RAB30: variants seen among roughly 807,000 people sequenced by gnomAD.
RAB30 encodes the protein RAB30, member RAS oncogene family.
Under a neutral mutation model 25.1 loss-of-function variants are expected in RAB30, and 9 were observed. The ratio of observed to expected loss-of-function variants is 0.36; its 90% CI spans 0.22 to 0.63. The LOEUF is 0.63. RAB30 is among the 20% of genes least tolerant of loss of function. RAB30 has a pLI of 0.69. For synonymous variants in RAB30, 77 were observed against 86.4 expected (o/e 0.89, Z 0.60); for missense variants, 140 against 243.5 (o/e 0.58, Z 2.83).
chr11:83,031,599 C>T (rs968234329), intron 1 of RAB30, among the ~76,000 whole-genome samples: 1 of 150,938 alleles, frequency 6.6e-6, no homozygotes, highest in African/African-American at 2.4e-5. Flanking sequence ...GCAATCTCGG[C>T]ACACCGCAAC....
rs1856567007 is a variant in RAB30, at chr11:82,977,608, G to A, written c.*4557C>T. The stretch of plus-strand genomic sequence containing the variant: ...GTGTCCCTACGGCCTCATTCAGTAG[G>A]CCTCATTCCACCCCTCTGAACCACA... On this transcript the variant is annotated 3_prime_UTR_variant, in exon 5 of 5. Transcript: ENST00000527633. The A allele has an allele frequency of 6.6e-6, 1 of 152,110 alleles. No homozygotes were observed. Among genetic ancestry groups the A allele is most frequent in the African/African-American group, 2.4e-5 (1 of 41,404 alleles). The allele number at this position is 152,110 out of a possible 1,614,324, so 9.4% of individuals were successfully genotyped here. A position where few individuals can be genotyped will look rare whatever the true frequency, so the allele number is the denominator to read the frequency against.
At chr11:83,009,842 A>C (rs1400809676) in intron 1 of RAB30, among the ~76,000 whole-genome samples, 1 of 152,226 alleles carries the variant, frequency 6.6e-6, no homozygotes, top group East Asian at 1.9e-4. Flanking sequence ...CACAAGGTCC[A>C]CACACTTCAA....
At chr11:83,070,681 T>A (rs768989761) in intron 1 of RAB30, among the ~76,000 whole-genome samples, 12 of 152,084 alleles carry the variant, frequency 7.9e-5, no homozygotes, top group Non-Finnish European at 1.3e-4. Flanking sequence ...AAGAGCATCA[T>A]GTAAGTCAGA....
At chr11:83,037,988 A>G (rs930642888) in intron 1 of RAB30, among the ~76,000 whole-genome samples, 1 of 152,162 alleles carries the variant, frequency 6.6e-6, no homozygotes, top group African/African-American at 2.4e-5. Context: ...GGTCAGAGTG[A>G]AATAAGCTGC....
At chr11:83,053,717 G>A (rs1007678496) in intron 1 of RAB30, among the ~76,000 whole-genome samples, 15 of 151,906 alleles carry the variant, frequency 9.9e-5, no homozygotes, top group Admixed American at 5.9e-4. Context: ...TTGACAAATT[G>A]CTGGGAACTT....
In RAB30 at chr11:83,014,651, A is replaced by T. The variant is rs1359778580; in HGVS notation, c.-8-17327T>A. 2.0e-3 allele frequency among the ~76,000 whole-genome samples: 265 copies of T among 133,860 alleles called. 1 individual carries two copies. The highest frequency in any genetic ancestry group is 7.2e-3 in the Middle Eastern group (2 of 276). 87.8% of individuals were successfully genotyped at this position (133,860 alleles called of 152,430 possible). ...AAGTAAGAAAAAGAAAGAAAGAAAG[A>T]AAGAAAGAAAGAAAGAAAGAAAGAA... is the stretch of plus-strand genomic sequence containing the variant. On this transcript the variant is annotated intron_variant, in intron 1 of 4. Coordinates refer to ENST00000527633, the MANE Select transcript of RAB30 (RefSeq NM_001286060.2).
chr11:83,028,994 G>A (rs1376109685), intron 1 of RAB30, among the ~76,000 whole-genome samples: 1 of 152,102 alleles, frequency 6.6e-6, no homozygotes, highest in Admixed American at 6.6e-5. Flanking sequence ...CTGCACTCCA[G>A]CCTGGGCAAC....
chr11:83,030,659 T>C (rs960338803), intron 1 of RAB30, among the ~76,000 whole-genome samples: 8 of 152,090 alleles, frequency 5.3e-5, no homozygotes, highest in Admixed American at 1.3e-4. Context: ...TAGCTAGGCA[T>C]GGTGGCACGC....
chr11:83,057,499 C>A (rs1206042795), intron 1 of RAB30, among the ~76,000 whole-genome samples: 1 of 152,092 alleles, frequency 6.6e-6, no homozygotes, highest in South Asian at 2.1e-4. Context: ...CTTTTGTCTG[C>A]CAAAACAATT....
intron 1 of RAB30, among the ~76,000 whole-genome samples, chr11:83,057,074 TC>T (rs151337893): frequency 0.068 from 10,319 of 152,110 alleles, 776 homozygotes; most frequent in African/African-American, 0.18. Flanking sequence ...CAGCTATAGC[TC>T]CTCAGAAGGT....
intron 1 of RAB30, among the ~76,000 whole-genome samples, chr11:83,026,982 G>A (rs1857734043): frequency 1.3e-5 from 2 of 152,132 alleles, no homozygotes; most frequent in African/African-American, 4.8e-5. Context: ...ACAGTACCTT[G>A]TACTCCTAGA....
intron 1 of RAB30, among the ~76,000 whole-genome samples, chr11:83,024,141 C>T (rs112755294): frequency 0.017 from 2,557 of 152,324 alleles, 58 homozygotes; most frequent in East Asian, 0.074. Flanking sequence ...TCTAGAGAAT[C>T]AGAAGAATAT....
chr11:82,987,177 G>A (rs999483386), intron 4 of RAB30: 1 of 153,100 alleles, frequency 6.5e-6, no homozygotes, highest in Admixed American at 6.5e-5. Context: ...CTAAATGTTA[G>A]GAAGGGAAAA....
intron 1 of RAB30, among the ~76,000 whole-genome samples, chr11:83,044,344 C>G (rs541380352): frequency 1.3e-5 from 2 of 152,276 alleles, no homozygotes; most frequent in African/African-American, 4.8e-5. Context: ...ATTATTAACG[C>G]TGTATATTGA....
intron 1 of RAB30, among the ~76,000 whole-genome samples, chr11:83,062,966 G>GCA (rs1354680496): frequency 6.8e-6 from 1 of 146,382 alleles, no homozygotes; most frequent in Non-Finnish European, 1.5e-5. Flanking sequence ...TTGCGCCACT[G>GCA]CACTCCAGCC....
chr11:82,975,059 G>A lies in RAB30; in HGVS notation c.*7106C>T, dbSNP rs973008100. 1 of 151,344 alleles carries A rather than the reference G, an allele frequency of 6.6e-6. No homozygotes were observed. The highest frequency in any genetic ancestry group is 1.5e-5 in the Non-Finnish European group (1 of 67,852). 9.4% of individuals were successfully genotyped at this position (151,344 alleles called of 1,614,324 possible). A position where few individuals can be genotyped will look rare whatever the true frequency, so the allele number is the denominator to read the frequency against. ...GAGCTCCAACCATCTGGTATGTCTGGAAGACACTTCAGTGAGTAGAAATTA... is the reference window on the plus strand; with the variant it reads ...GAGCTCCAACCATCTGGTATGTCTGAAAGACACTTCAGTGAGTAGAAATTA... On this transcript the variant is annotated 3_prime_UTR_variant, in exon 5 of 5. Coordinates refer to ENST00000527633, the MANE Select transcript of RAB30 (RefSeq NM_001286060.2).
At chr11:82,990,632 C>T (rs1047901161) in intron 3 of RAB30, among the ~76,000 whole-genome samples, 8 of 152,162 alleles carry the variant, frequency 5.3e-5, no homozygotes, top group African/African-American at 1.7e-4. Context: ...GAAAGAGATA[C>T]AGCAAATCTT....
rs1438518770 is a variant in RAB30 at position 82,973,791 on chromosome 11, T to G, written c.*8374A>C. 1 of 152,062 alleles carries G rather than the reference T, an allele frequency of 6.6e-6. No individual in the cohort carries two copies. The highest frequency in any genetic ancestry group is 2.4e-5 in the African/African-American group (1 of 41,394). The allele number at this position is 152,062 out of a possible 1,614,324, so 9.4% of individuals were successfully genotyped here. A position where few individuals can be genotyped will look rare whatever the true frequency, so the allele number is the denominator to read the frequency against. ...AGAGAGATGTGAAAACATACACCCA[T>G]ACAAAAAACTTTTACATAAATGTTC... On this transcript the variant is annotated 3_prime_UTR_variant, in exon 5 of 5. Coordinates refer to ENST00000527633, the MANE Select transcript of RAB30 (RefSeq NM_001286060.2).
intron 1 of RAB30, among the ~76,000 whole-genome samples, chr11:83,062,603 C>G (rs913961194): frequency 2.0e-5 from 3 of 152,126 alleles, no homozygotes; most frequent in Non-Finnish European, 4.4e-5. Flanking sequence ...AGACATGAAC[C>G]CTTTGACAAC....
Sources: gnomAD v4.1 joint callset for allele counts (sites outside exome capture counted in the v4.1 genomes callset) on GRCh38, gnomAD v4.1.1 for gene constraint, MANE v1.5 for transcripts, NCBI Gene and HGNC (gene_info 2026-07-23, HGNC 2026-07-21) for gene names.